The following ELAC2 variants were observed in gnomAD, a reference collection of about 807,000 sequenced individuals.
The protein encoded by ELAC2 is elaC ribonuclease Z 2.
Under a neutral mutation model 105.2 loss-of-function variants are expected in ELAC2, and 92 were observed. The observed-to-expected ratio is 0.87, with a 90% CI of 0.74 to 1.04. The LOEUF is 1.04. Among genes scored for constraint, ELAC2 ranks in the 50% least tolerant of loss-of-function variants. ELAC2 has a pLI of 0.00. For synonymous variants in ELAC2, 468 were observed against 409.1 expected, an observed-to-expected ratio of 1.14 and a Z score of -1.74; for missense variants, 1,099 against 1,071.7, an observed-to-expected ratio of 1.03 and a Z score of -0.36.
Position 13,003,523 on chromosome 17 carries a change from T to C in ELAC2, c.1035A>G (p.Pro345=), listed in dbSNP as rs916798934. 4 of 1,614,016 alleles carry C rather than the reference T, an allele frequency of 2.5e-6. No homozygotes were observed. The highest frequency in any genetic ancestry group is 3.4e-6 in the Non-Finnish European group (4 of 1,180,020). Reference sequence around the variant, plus strand: ...ACCTGCTGTCCACAAGCACAGATGCTGGGGCCATGTGAACCACCAAGGCCA... The same window carrying C: ...ACCTGCTGTCCACAAGCACAGATGCCGGGGCCATGTGAACCACCAAGGCCA... ...APVALVVHMA[P]ASVLVDSRYQ... is the part of the protein sequence containing the mutation. The change falls in exon 12 of 24, where the codon CCA becomes CCG. Residue 345 remains proline, a synonymous_variant. Coordinates refer to ENST00000338034, the MANE Select transcript of ELAC2 (RefSeq NM_018127.7).
chr17:12,992,851 CTCT>C lies in ELAC2; in HGVS notation c.2445_2447del (p.Glu817del), dbSNP rs1377575423. On this transcript the variant is annotated inframe_deletion, in exon 24 of 24. Transcript: ENST00000338034. ...CTCTGACCTTCTTGGCCTGTGGCTCCTCTGTGTGGGCCCGCTTCTGCTGAGGCT... is the reference window on the plus strand; with the variant it reads ...CTCTGACCTTCTTGGCCTGTGGCTCCGTGTGGGCCCGCTTCTGCTGAGGCT... The C allele has an allele frequency of 5.0e-6, 8 of 1,613,732 alleles. No homozygotes were observed. The highest frequency in any genetic ancestry group is 1.6e-4 in the Middle Eastern group (1 of 6,082).
chr17:12,996,269 C>A, intron 17 of ELAC2: 1 of 633,232 alleles, frequency 1.6e-6, no homozygotes, highest in East Asian at 2.8e-5. Flanking sequence ...CCGGTCAAAG[C>A]TTCCGCTGAG....
Position 12,994,901 on chromosome 17 carries a change from G to A in ELAC2, c.1909-17C>T. The A allele has an allele frequency of 5.6e-6, 9 of 1,614,108 alleles. No individual in the cohort carries two copies. The highest frequency in any genetic ancestry group is 7.6e-6 in the Non-Finnish European group (9 of 1,180,038). On this transcript the variant is annotated splice_polypyrimidine_tract_variant and intron_variant, in intron 20 of 23. Coordinates refer to ENST00000338034, the MANE Select transcript of ELAC2 (RefSeq NM_018127.7). ...GGTCTGAAACTGAAAGGGTGGGGCTGGAGGGCTCTGCAGCTCTGCTCCCCA... is the reference window on the plus strand; with the variant it reads ...GGTCTGAAACTGAAAGGGTGGGGCTAGAGGGCTCTGCAGCTCTGCTCCCCA...
chr17:12,996,299 G>T, intron 17 of ELAC2: 1 of 652,056 alleles, frequency 1.5e-6, no homozygotes, highest in Non-Finnish European at 2.7e-6. Flanking sequence ...TGAGATTCAA[G>T]ACTCAAGGAA....
chr17:13,016,772 C>A, intron 3 of ELAC2, 90 bp downstream of exon 3: 41 of 1,069,286 alleles, frequency 3.8e-5, no homozygotes, highest in Non-Finnish European at 5.5e-5. Flanking sequence ...AAAAAAGTAG[C>A]TGCCCACCCC....
intron 12 of ELAC2, 102 bp downstream of exon 12, chr17:13,003,377 G>A: frequency 9.3e-7 from 1 of 1,074,128 alleles, no homozygotes; most frequent in Non-Finnish European, 1.4e-6. Context: ...TTAGGCAGGT[G>A]CAGAAGGGTA....
intron 5 of ELAC2, 83 bp downstream of exon 5, chr17:13,014,356 T>TA: frequency 9.5e-7 from 1 of 1,050,652 alleles, no homozygotes; most frequent in Non-Finnish European, 1.5e-6. Flanking sequence ...TTGATGTTGA[T>TA]GTTTTTAATG....
At position 12,994,948 on chromosome 17, in the gene ELAC2, G is replaced by A. The variant is rs760259798; in HGVS notation, c.1908+15C>T. 1.4e-5 allele frequency: 23 copies of A among 1,613,984 alleles called. No individual in the cohort carries two copies. Among genetic ancestry groups the A allele is most frequent in the Middle Eastern group, 1.6e-4 (1 of 6,084 alleles). On this transcript the variant is annotated intron_variant, in intron 20 of 23. Transcript: ENST00000338034. ...CCCACCTCGCCCCCATGATGCCTGC[G>A]GCTGTGCCCCTTACCTCTTCCAAAT... is the stretch of plus-strand genomic sequence containing the variant.
intron 15 of ELAC2, among the ~76,000 whole-genome samples, chr17:12,999,727 T>C (rs56224395): frequency 0.27 from 40,371 of 151,686 alleles, 5,603 homozygotes; most frequent in Middle Eastern, 0.33. Context: ...GGCACGACCT[T>C]GGCTCACTGC....
chr17:13,015,408 G>A (rs2041662245), intron 4 of ELAC2, among the ~76,000 whole-genome samples: 2 of 152,202 alleles, frequency 1.3e-5, no homozygotes, highest in South Asian at 2.1e-4. Flanking sequence ...GAAGATGTCA[G>A]AAATTTATTG....
chr17:13,013,002 T>A (rs763111930), intron 6 of ELAC2, among the ~76,000 whole-genome samples: 1 of 152,202 alleles, frequency 6.6e-6, no homozygotes, highest in Non-Finnish European at 1.5e-5. Context: ...CAAAGCATAA[T>A]CACTATCATT....
intron 12 of ELAC2, 51 bp downstream of exon 12, chr17:13,003,428 C>A: frequency 1.3e-6 from 2 of 1,540,730 alleles, no homozygotes; most frequent in East Asian, 4.5e-5. Context: ...AAGGGGAATC[C>A]ACCACTGCCC....
At chr17:12,993,451 A>G (rs1371585257) in intron 23 of ELAC2, among the ~76,000 whole-genome samples, 2 of 152,194 alleles carry the variant, frequency 1.3e-5, no homozygotes, top group African/African-American at 4.8e-5. Context: ...GTCCAGGCCT[A>G]AAAGGATTCT....
chr17:12,996,199 G>A (rs1484894950), intron 17 of ELAC2: 10 of 655,256 alleles, frequency 1.5e-5, no homozygotes, highest in East Asian at 2.7e-5. Flanking sequence ...GAGGGCAACG[G>A]CCCAGGGCCC....
At position 12,992,122 on chromosome 17, in the gene ELAC2, A is replaced by ATTGAT. The variant is rs2040204023; in HGVS notation, c.*691_*695dup. On this transcript the variant is annotated 3_prime_UTR_variant, in exon 24 of 24. Transcript: ENST00000338034. ...CACCAGCCCAGCCAGGCTCTCACTG[A>ATTGAT]TTGATTTGATTGATTGATTGATTGA... 7.3e-6 allele frequency among the ~76,000 whole-genome samples: 1 copy of ATTGAT among 137,404 alleles called. No homozygotes were observed. The highest frequency in any genetic ancestry group is 2.5e-4 in the South Asian group (1 of 3,950). The allele number at this position is 137,404 out of a possible 152,430, so 90.1% of individuals were successfully genotyped here.
At chr17:13,009,052 G>A (rs2041264304) in intron 8 of ELAC2, among the ~76,000 whole-genome samples, 1 of 152,102 alleles carries the variant, frequency 6.6e-6, no homozygotes, top group South Asian at 2.1e-4. Flanking sequence ...TTAAAAATCA[G>A]ACAATATAAA....
chr17:13,002,017 G>A (rs1567753927), intron 14 of ELAC2, among the ~76,000 whole-genome samples: 1 of 152,184 alleles, frequency 6.6e-6, no homozygotes. Flanking sequence ...TGGAAAAGGA[G>A]AACTACTGGC....
At position 13,018,013 on chromosome 17, in the gene ELAC2, C is replaced by T; in HGVS notation, c.-66G>A. 1.3e-6 allele frequency: 2 copies of T among 1,532,188 alleles called. No individual in the cohort carries two copies. Among genetic ancestry groups the T allele is most frequent in the Non-Finnish European group, 1.7e-6 (2 of 1,145,876 alleles). The allele number at this position is 1,532,188 out of a possible 1,614,324, so 94.9% of individuals were successfully genotyped here. ...TACGCCCGCGTTTCCCGTGCACCAC[C>T]TAGCCGCTCCGCATGGCGGATCCAG... On this transcript the variant is annotated 5_prime_UTR_variant, in exon 1 of 24. An upstream open reading frame in the 5' UTR loses its in-frame stop. Coordinates refer to ENST00000338034, the MANE Select transcript of ELAC2 (RefSeq NM_018127.7).
At chr17:13,015,991 A>G (rs2041698697) in intron 3 of ELAC2, among the ~76,000 whole-genome samples, 159 bp from the exon 4 acceptor site, 1 of 152,264 alleles carries the variant, frequency 6.6e-6, no homozygotes, top group African/African-American at 2.4e-5. Context: ...GATGCCAGCT[A>G]GAGGTGTAAC....
Sources: gnomAD v4.1 joint callset for allele counts (sites outside exome capture counted in the v4.1 genomes callset) on GRCh38, gnomAD v4.1.1 for gene constraint, MANE v1.5 for transcripts, NCBI Gene and HGNC (gene_info 2026-07-23, HGNC 2026-07-21) for gene names.